CNTNAP2: variants seen among roughly 807,000 people sequenced by gnomAD.
CNTNAP2 encodes contactin associated protein 2.
CNTNAP2 carries 98 observed loss-of-function variants against 155.2 expected under a neutral mutation model. The ratio of observed to expected loss-of-function variants is 0.63; its 90% CI spans 0.54 to 0.75. CNTNAP2 has a LOEUF of 0.75. CNTNAP2 is among the 30% of genes least tolerant of loss of function. The pLI, the probability that CNTNAP2 is intolerant of heterozygous loss-of-function variation, is 0.00. For synonymous variants in CNTNAP2, 651 were observed against 631.2 expected (o/e 1.03, Z -0.47); for missense variants, 1,727 against 1,688.1 (o/e 1.02, Z -0.40).
intron 1 of CNTNAP2, among the ~76,000 whole-genome samples, chr7:146,605,051 G>T (rs1585003066): frequency 1.4e-5 from 2 of 142,428 alleles, no homozygotes; most frequent in African/African-American, 2.6e-5. Flanking sequence ...ATGTGCACAT[G>T]TACCCTAAAA....
chr7:146,777,604 C>T (rs202008116), intron 2 of CNTNAP2, among the ~76,000 whole-genome samples: 2 of 151,470 alleles, frequency 1.3e-5, no homozygotes, highest in East Asian at 3.9e-4. Context: ...TGCTCTGTTG[C>T]CTGGGCTGGA....
chr7:147,616,534 C>A (rs1315250398), intron 12 of CNTNAP2, among the ~76,000 whole-genome samples: 6 of 152,154 alleles, frequency 3.9e-5, no homozygotes, highest in Admixed American at 6.6e-5. Flanking sequence ...ATTCCTGCTT[C>A]ATGGCCTTTC....
Position 147,098,209 on chromosome 7 carries a change from A to C in CNTNAP2, c.551-9938A>C, listed in dbSNP as rs1399126082. Among the ~76,000 whole-genome samples the C allele has an allele frequency of 2.0e-5, 3 of 152,044 alleles. No individual in the cohort carries two copies. In the East Asian group the frequency reaches 5.8e-4, roughly 29 times the overall value. The stretch of plus-strand genomic sequence containing the variant: ...AGTTATCTTTCCAATGCAAACCTGG[A>C]CATGCATTTTCCACTTAGAATACCA... On this transcript the variant is annotated intron_variant, in intron 4 of 23. Transcript: ENST00000361727.
intron 9 of CNTNAP2, among the ~76,000 whole-genome samples, chr7:147,342,108 C>T (rs982451366): frequency 1.3e-5 from 2 of 152,098 alleles, no homozygotes; most frequent in African/African-American, 4.8e-5. Context: ...TTGCTGGCAT[C>T]TCTTCTACTA....
intron 5 of CNTNAP2, among the ~76,000 whole-genome samples, chr7:147,117,089 C>A (rs1801006400): frequency 6.6e-6 from 1 of 152,184 alleles, no homozygotes; most frequent in Non-Finnish European, 1.5e-5. Context: ...GCCCACAGAA[C>A]AATGCCATTC....
At position 147,274,875 on chromosome 7, in the gene CNTNAP2, T is replaced by C. The variant is rs147392471; in HGVS notation, c.1349-25266T>C. ...TATAGTGAGAGGTATGAGTCCAGTTTTTTTAGGCATATGGCTCTCCAATTT... is the reference window on the plus strand; with the variant it reads ...TATAGTGAGAGGTATGAGTCCAGTTCTTTTAGGCATATGGCTCTCCAATTT... On this transcript the variant is annotated intron_variant, in intron 8 of 23. Transcript: ENST00000361727. 3.0e-3 allele frequency among the ~76,000 whole-genome samples: 455 copies of C among 152,196 alleles called. 1 individual carries two copies. The highest frequency in any genetic ancestry group is 0.01 in the African/African-American group (420 of 41,550).
intron 13 of CNTNAP2, among the ~76,000 whole-genome samples, chr7:147,670,978 A>C (rs1026800532): frequency 6.6e-6 from 1 of 152,218 alleles, no homozygotes; most frequent in Non-Finnish European, 1.5e-5. Context: ...GGTCATGGGC[A>C]TCACGCCAGA....
chr7:146,192,160 G>A (rs938836923), intron 1 of CNTNAP2, among the ~76,000 whole-genome samples: 2 of 152,050 alleles, frequency 1.3e-5, no homozygotes, highest in Non-Finnish European at 2.9e-5. Flanking sequence ...CGCTTCAGCC[G>A]GTCCCTCCGT....
intron 18 of CNTNAP2, among the ~76,000 whole-genome samples, chr7:148,209,276 C>A (rs1030842872): frequency 2.7e-5 from 4 of 149,616 alleles, no homozygotes; most frequent in East Asian, 2.0e-4. Flanking sequence ...GCCACCACAC[C>A]GGCTATTTTT....
chr7:148,100,560 C>T (rs1804076670), intron 15 of CNTNAP2, among the ~76,000 whole-genome samples: 1 of 152,206 alleles, frequency 6.6e-6, no homozygotes, highest in Non-Finnish European at 1.5e-5. Context: ...CCTAATATTA[C>T]TATAATAAAA....
intron 10 of CNTNAP2, among the ~76,000 whole-genome samples, chr7:147,470,180 T>C (rs1798191975): frequency 1.3e-5 from 2 of 152,136 alleles, no homozygotes; most frequent in Admixed American, 6.5e-5. Flanking sequence ...GTAGAATAGG[T>C]TGGGTGAGAA....
In CNTNAP2 at chr7:148,226,777, A is replaced by G. The variant is rs574863226; in HGVS notation, c.3248-2869A>G. 2.6e-5 allele frequency among the ~76,000 whole-genome samples: 4 copies of G among 152,372 alleles called. No individual in the cohort carries two copies. In the South Asian group the frequency reaches 8.3e-4, roughly 32 times the overall value. ...ATCAGGGGAGAAGAAACCAAACCCC[A>G]GAACTATGCCAATGTATAAAACCCC... On this transcript the variant is annotated intron_variant, in intron 19 of 23. Coordinates refer to ENST00000361727, the MANE Select transcript of CNTNAP2 (RefSeq NM_014141.6).
intron 13 of CNTNAP2, among the ~76,000 whole-genome samples, chr7:147,649,307 T>C (rs1795414903): frequency 6.6e-6 from 1 of 152,220 alleles, no homozygotes; most frequent in Admixed American, 6.5e-5. Flanking sequence ...TCTTTCTGTT[T>C]AAGGTAGACT....
At chr7:148,318,531 A>G (rs1358702945) in intron 21 of CNTNAP2, among the ~76,000 whole-genome samples, 2 of 152,180 alleles carry the variant, frequency 1.3e-5, no homozygotes, top group Non-Finnish European at 2.9e-5. Context: ...CAAAGGGCCA[A>G]AAACTTCCTA....
At chr7:146,213,840 G>GT (rs1359437042) in intron 1 of CNTNAP2, among the ~76,000 whole-genome samples, 1 of 152,130 alleles carries the variant, frequency 6.6e-6, no homozygotes, top group Non-Finnish European at 1.5e-5. Context: ...TGCCATCATT[G>GT]TTTTTCCATG....
chr7:146,229,421 A>G (rs112565184), intron 1 of CNTNAP2, among the ~76,000 whole-genome samples: 2,322 of 152,276 alleles, frequency 0.015, 51 homozygotes, highest in African/African-American at 0.052. Context: ...CAACTCCCAA[A>G]GCCTTTCTTT....
chr7:147,503,104 G>A (rs1401583686), intron 11 of CNTNAP2, among the ~76,000 whole-genome samples: 6 of 152,158 alleles, frequency 3.9e-5, no homozygotes, highest in Non-Finnish European at 7.3e-5. Context: ...CAGTTTAGAA[G>A]TCCATAATCA....
intron 3 of CNTNAP2, among the ~76,000 whole-genome samples, chr7:146,862,491 A>G (rs1795122897): frequency 1.3e-5 from 2 of 152,178 alleles, no homozygotes; most frequent in African/African-American, 2.4e-5. Context: ...GCACAAAAAA[A>G]CAAAAAACAA....
Position 147,408,651 on chromosome 7 carries a change from G to C in CNTNAP2, c.1670+12871G>C, listed in dbSNP as rs948350221. On this transcript the variant is annotated intron_variant, in intron 10 of 23. Coordinates refer to ENST00000361727, the MANE Select transcript of CNTNAP2 (RefSeq NM_014141.6). ...CGGGCGCCTGTAGTCCCAGCTACTC[G>C]GGAGGCTGAGGCAGGAGAATGGTGT... Among the ~76,000 whole-genome samples, 4 of 152,128 alleles carry C rather than the reference G, an allele frequency of 2.6e-5. No individual in the cohort carries two copies. The East Asian group carries it at 7.7e-4, about 29-fold the overall frequency.
Sources: gnomAD v4.1 joint callset for allele counts (sites outside exome capture counted in the v4.1 genomes callset) on GRCh38, gnomAD v4.1.1 for gene constraint, MANE v1.5 for transcripts, NCBI Gene and HGNC (gene_info 2026-07-23, HGNC 2026-07-21) for gene names.